Variants in NUDCD3 observed in about 807,000 individuals in gnomAD.
The protein encoded by NUDCD3 is NudC domain containing 3.
A neutral mutation model predicts 39.7 loss-of-function variants in NUDCD3; 13 were observed. The observed-to-expected ratio is 0.33, with a 90% CI of 0.21 to 0.52. The LOEUF is 0.52. Ranked by LOEUF, NUDCD3 falls within the 20% of genes least tolerant of loss-of-function variation. NUDCD3 has a pLI of 0.96. For synonymous variants in NUDCD3, 175 were observed against 172.4 expected (o/e 1.02, Z -0.12); for missense variants, 453 against 458.1 (o/e 0.99, Z 0.10).
intron 2 of NUDCD3, among the ~76,000 whole-genome samples, chr7:44,430,980 A>C (rs144352165): frequency 6.6e-6 from 1 of 152,188 alleles, no homozygotes; most frequent in African/African-American, 2.4e-5. Context: ...CTCCTCTTGC[A>C]TGGAACCTGC....
chr7:44,390,282 T>C (rs1409574165), intron 5 of NUDCD3, among the ~76,000 whole-genome samples: 2 of 152,154 alleles, frequency 1.3e-5, no homozygotes, highest in African/African-American at 2.4e-5. Flanking sequence ...GAGAACCGCT[T>C]GAACCTGGGA....
At chr7:44,426,072 C>T (rs1009252519) in intron 3 of NUDCD3, 12 of 952,222 alleles carry the variant, frequency 1.3e-5, no homozygotes, top group Non-Finnish European at 1.4e-5. Flanking sequence ...ACAGGCCTGG[C>T]CGTCCACTTC....
At chr7:44,477,822 CTTTT>C (rs938640330) in intron 2 of NUDCD3, among the ~76,000 whole-genome samples, 3 of 94,154 alleles carry the variant, frequency 3.2e-5, no homozygotes, top group Non-Finnish European at 4.3e-5. Context: ...ATGAACAATT[CTTTT>C]TTTTTTTTTT....
intron 5 of NUDCD3, among the ~76,000 whole-genome samples, chr7:44,388,713 G>A (rs1219476455): frequency 6.6e-6 from 1 of 152,170 alleles, no homozygotes; most frequent in Non-Finnish European, 1.5e-5. Context: ...CCTGGCTGTT[G>A]AGGAGCAGGT....
At position 44,404,466 on chromosome 7, in the gene NUDCD3, T is replaced by C. The variant is rs938783296; in HGVS notation, c.760A>G (p.Ser254Gly). ...HKINTESSLW[S>G]LEPGKCVLVN... ...AAAACGCACTTCCCGGGCTCGAGAC[T>C]CCAGAGAGAACTCTCAGTGTTGATC... The change falls in exon 4 of 6, where the codon AGT (serine) becomes GGT (glycine). Residue 254 changes from serine (S) to glycine (G), a missense_variant. Transcript: ENST00000355451. The C allele has an allele frequency of 1.2e-6, 2 of 1,614,102 alleles. No homozygotes were observed. The highest frequency in any genetic ancestry group is 8.5e-7 in the Non-Finnish European group (1 of 1,179,986).
intron 3 of NUDCD3, 70 bp from the exon 4 acceptor site, chr7:44,404,653 G>C: frequency 6.5e-7 from 1 of 1,543,062 alleles, no homozygotes; most frequent in Non-Finnish European, 8.8e-7. Flanking sequence ...CGGTGGGAGT[G>C]GTGATGGTTT....
At chr7:44,474,140 T>C (rs1800313338) in intron 2 of NUDCD3, among the ~76,000 whole-genome samples, 1 of 147,908 alleles carries the variant, frequency 6.8e-6, no homozygotes, top group African/African-American at 2.5e-5. Context: ...AAATTCTACC[T>C]AATAAACATT....
rs539412959 is a variant in NUDCD3 at position 44,379,695 on chromosome 7, C to T, written c.*6316G>A. ...ACTCTTGCCATCACATGGCTGACCA[C>T]CTCTGGTGAGAACACTGGAGAATAG... On this transcript the variant is annotated 3_prime_UTR_variant, in exon 6 of 6. Coordinates refer to ENST00000355451, the MANE Select transcript of NUDCD3 (RefSeq NM_015332.4). 5 of 152,348 alleles carry T rather than the reference C, an allele frequency of 3.3e-5. No homozygotes were observed. The highest frequency in any genetic ancestry group is 3.3e-4 in the Admixed American group (5 of 15,304). 9.4% of individuals were successfully genotyped at this position (152,348 alleles called of 1,614,324 possible).
chr7:44,479,332 T>A (rs1175362319), intron 2 of NUDCD3, among the ~76,000 whole-genome samples: 1 of 152,204 alleles, frequency 6.6e-6, no homozygotes, highest in South Asian at 2.1e-4. Context: ...ACATAAATTA[T>A]ACTTTACTAA....
intron 2 of NUDCD3, among the ~76,000 whole-genome samples, chr7:44,442,487 G>C (rs1799604674): frequency 6.6e-6 from 1 of 152,166 alleles, no homozygotes. Context: ...GGGGGACCCA[G>C]GGCAGGGCCA....
intron 3 of NUDCD3, among the ~76,000 whole-genome samples, chr7:44,415,939 G>A (rs1799012693): frequency 6.6e-6 from 1 of 152,098 alleles, no homozygotes; most frequent in African/African-American, 2.4e-5. Context: ...GGCCAGGCCA[G>A]AAAGAAAGTA....
intron 2 of NUDCD3, among the ~76,000 whole-genome samples, chr7:44,459,053 T>C (rs1004565608): frequency 2.0e-5 from 3 of 151,826 alleles, no homozygotes; most frequent in African/African-American, 4.8e-5. Flanking sequence ...TCACAGTATA[T>C]TGACAATGGC....
intron 3 of NUDCD3, among the ~76,000 whole-genome samples, chr7:44,408,121 G>T (rs1798862379): frequency 6.6e-6 from 1 of 152,162 alleles, no homozygotes; most frequent in Non-Finnish European, 1.5e-5. Context: ...AGTGTAAGAA[G>T]ATATCCCTTT....
At chr7:44,430,791 T>C (rs1799349802) in intron 2 of NUDCD3, among the ~76,000 whole-genome samples, 1 of 152,156 alleles carries the variant, frequency 6.6e-6, no homozygotes, top group South Asian at 2.1e-4. Context: ...GATGCCCACA[T>C]GGGTTCTGCC....
intron 1 of NUDCD3, chr7:44,485,491 A>G (rs1800591711): frequency 3.8e-6 from 2 of 532,190 alleles, no homozygotes; most frequent in Admixed American, 6.6e-5. Context: ...AATCAACAAA[A>G]TCAGAAACTT....
chr7:44,389,053 C>T (rs531825110), intron 5 of NUDCD3, among the ~76,000 whole-genome samples: 117 of 152,330 alleles, frequency 7.7e-4, no homozygotes, highest in Admixed American at 1.0e-3. Context: ...CTATGCAGTG[C>T]CCTAGGGGCC....
intron 2 of NUDCD3, among the ~76,000 whole-genome samples, chr7:44,438,647 T>C (rs1053660100): frequency 3.0e-5 from 4 of 133,314 alleles, no homozygotes; most frequent in Non-Finnish European, 6.2e-5. Context: ...CACCCTCATA[T>C]CAAGAGAGTG....
Position 44,383,779 on chromosome 7 carries a change from G to C in NUDCD3, c.*2232C>G, listed in dbSNP as rs1231533123. On this transcript the variant is annotated 3_prime_UTR_variant, in exon 6 of 6. Coordinates refer to ENST00000355451, the MANE Select transcript of NUDCD3 (RefSeq NM_015332.4). Reference sequence around the variant, plus strand: ...TGTCTAAAAAGAGAAAACAGGCAGGGTGTGCCAGCTCTGGAGACTGGGCCA... The same window carrying C: ...TGTCTAAAAAGAGAAAACAGGCAGGCTGTGCCAGCTCTGGAGACTGGGCCA... 6.6e-6 allele frequency: 1 copy of C among 152,266 alleles called. No individual in the cohort carries two copies. The highest frequency in any genetic ancestry group is 1.5e-5 in the Non-Finnish European group (1 of 68,074). The allele number at this position is 152,266 out of a possible 1,614,324, so 9.4% of individuals were successfully genotyped here.
At chr7:44,474,606 T>G (rs780855846) in intron 2 of NUDCD3, among the ~76,000 whole-genome samples, 1 of 152,162 alleles carries the variant, frequency 6.6e-6, no homozygotes, top group Non-Finnish European at 1.5e-5. Context: ...CTGAAAACGT[T>G]AAGATACCAG....
Sources: allele counts gnomAD v4.1 joint callset (sites outside exome capture counted in the v4.1 genomes callset), GRCh38; gene constraint gnomAD v4.1.1; transcripts MANE v1.5; gene names NCBI Gene and HGNC (gene_info 2026-07-23, HGNC 2026-07-21).